Variants in SCN10A observed in about 807,000 individuals in gnomAD.
The protein encoded by SCN10A is sodium channel protein type 10 subunit alpha.
SCN10A carries 162 observed loss-of-function variants against 170.7 expected under a neutral mutation model. The ratio of observed to expected loss-of-function variants is 0.95; its 90% CI spans 0.84 to 1.08. SCN10A has a LOEUF of 1.08. Among genes scored for constraint, SCN10A ranks in the 50% least tolerant of loss-of-function variants. The pLI is 0.00. For missense variants in SCN10A, 2,527 were observed against 2,436.9 expected (o/e 1.04, Z -0.78); for synonymous variants, 985 against 904.6 (o/e 1.09, Z -1.59).
chr3:38,744,011 A>T (rs541104437), intron 13 of SCN10A, among the ~76,000 whole-genome samples: 43 of 152,368 alleles, frequency 2.8e-4, no homozygotes, highest in African/African-American at 9.6e-4. Flanking sequence ...TCTTGAACAG[A>T]TATCAGCCTA....
At chr3:38,808,311 G>C (rs2064418436) in intron 1 of SCN10A, among the ~76,000 whole-genome samples, 1 of 152,022 alleles carries the variant, frequency 6.6e-6, no homozygotes, top group Non-Finnish European at 1.5e-5. Context: ...TCTTCTTTCA[G>C]TTTAGTTAAG....
intron 1 of SCN10A, among the ~76,000 whole-genome samples, chr3:38,807,651 C>T (rs1333559201): frequency 1.3e-5 from 2 of 152,128 alleles, no homozygotes; most frequent in Non-Finnish European, 2.9e-5. Flanking sequence ...CCCCTTGCAT[C>T]AAAGTATAAT....
At chr3:38,798,927 T>G (rs1020468504) in intron 1 of SCN10A, among the ~76,000 whole-genome samples, 1 of 151,222 alleles carries the variant, frequency 6.6e-6, no homozygotes, top group Admixed American at 6.6e-5. Context: ...GTAGTGGAAC[T>G]ACAGGTATGT....
intron 1 of SCN10A, among the ~76,000 whole-genome samples, chr3:38,797,434 G>A (rs558434509): frequency 1.6e-4 from 25 of 152,144 alleles, no homozygotes; most frequent in Admixed American, 6.5e-4. Context: ...CTCTCCTCCT[G>A]CCTATTTGTA....
In SCN10A at chr3:38,698,235, C is replaced by G; in HGVS notation, c.4985G>C (p.Gly1662Ala). Residue 1662 changes from glycine to alanine, a missense_variant, in exon 28 of 28, where the codon GGC becomes GCC. Coordinates refer to ENST00000449082, the MANE Select transcript of SCN10A (RefSeq NM_006514.4). ...LCLFQITTSA[G>A]WDGLLSPILN... ...GATGGGGCTGAGGAGGCCATCCCAG[C>G]CGGCCGACGTGGTAATCTGGAAGAG... 2 of 1,614,100 alleles carry G rather than the reference C, an allele frequency of 1.2e-6. No individual in the cohort carries two copies. The highest frequency in any genetic ancestry group is 1.7e-6 in the Non-Finnish European group (2 of 1,180,006).
chr3:38,805,147 G>A (rs1053391324), intron 1 of SCN10A, among the ~76,000 whole-genome samples: 1 of 152,100 alleles, frequency 6.6e-6, no homozygotes, highest in Non-Finnish European at 1.5e-5. Flanking sequence ...AACTGTTTCA[G>A]GTTCATTATC....
intron 4 of SCN10A, among the ~76,000 whole-genome samples, chr3:38,775,864 T>G (rs917158343): frequency 6.6e-6 from 1 of 152,156 alleles, no homozygotes; most frequent in Non-Finnish European, 1.5e-5. Context: ...ACTGGTTTTG[T>G]ATCTTACCAG....
rs573795407 is a variant in SCN10A at position 38,763,270 on chromosome 3, T to C, written c.691+235A>G. On this transcript the variant is annotated intron_variant, in intron 6 of 27. Transcript: ENST00000449082. ...GTTACGTATTGATTGTGAGGCCATG[T>C]GGTATGTGGGAAGAGCACTGGCCTA... 2.6e-5 allele frequency among the ~76,000 whole-genome samples: 4 copies of C among 152,192 alleles called. No homozygotes were observed. In the East Asian group the frequency reaches 7.7e-4, roughly 29 times the overall value.
At chr3:38,736,136 C>T (rs1484463991) in intron 15 of SCN10A, among the ~76,000 whole-genome samples, 1 of 152,102 alleles carries the variant, frequency 6.6e-6, no homozygotes, top group East Asian at 1.9e-4. Flanking sequence ...TTCAAAGGCC[C>T]AAAGCCAAGA....
Position 38,698,003 on chromosome 3 carries a change from G to C in SCN10A, c.5217C>G (p.Asp1739Glu). 1 of 1,614,134 alleles carries C rather than the reference G, an allele frequency of 6.2e-7. No homozygotes were observed. Among genetic ancestry groups the C allele is most frequent in the Non-Finnish European group, 8.5e-7 (1 of 1,180,024 alleles). ...AGGTCTCATAGAACATGTCAAAGTC[G>C]TCCTCACTCAGGGGCTCAGTGCTCT... ...TEESTEPLSE[D>E]DFDMFYETWE... is the part of the protein sequence containing the mutation. The change falls in exon 28 of 28, where the codon GAC becomes GAG. Residue 1739 changes from aspartate (D) to glutamate (E), a missense_variant. Asp to Glu is a conservative substitution (Grantham distance 45). Coordinates refer to ENST00000449082, the MANE Select transcript of SCN10A (RefSeq NM_006514.4).
At chr3:38,729,784 G>A (rs576442593) in intron 15 of SCN10A, among the ~76,000 whole-genome samples, 2 of 152,224 alleles carry the variant, frequency 1.3e-5, no homozygotes, top group Non-Finnish European at 2.9e-5. Flanking sequence ...CACCTACTAA[G>A]AGCCAGGCTG....
At chr3:38,783,153 G>T (rs1274219526) in intron 4 of SCN10A, among the ~76,000 whole-genome samples, 2 of 151,922 alleles carry the variant, frequency 1.3e-5, no homozygotes, top group African/African-American at 4.8e-5. Context: ...CTCCTTAGAG[G>T]CCCAATCTCC....
intron 27 of SCN10A, among the ~76,000 whole-genome samples, chr3:38,699,919 C>T (rs1237544151): frequency 6.6e-6 from 1 of 152,156 alleles, no homozygotes; most frequent in Admixed American, 6.5e-5. Flanking sequence ...TTTTCCAGCT[C>T]TATAAGGGAT....
intron 23 of SCN10A, among the ~76,000 whole-genome samples, chr3:38,711,502 C>A (rs1359580566): frequency 6.6e-6 from 1 of 152,160 alleles, no homozygotes; most frequent in African/African-American, 2.4e-5. Context: ...GTGTCCAAGC[C>A]CAGTTCTGAC....
At chr3:38,770,309 A>G (rs2063983659) in intron 5 of SCN10A, among the ~76,000 whole-genome samples, 1 of 152,166 alleles carries the variant, frequency 6.6e-6, no homozygotes, top group South Asian at 2.1e-4. Flanking sequence ...AGGGCCATAA[A>G]GCTTCCGAGA....
intron 1 of SCN10A, among the ~76,000 whole-genome samples, chr3:38,797,262 G>A (rs919461647): frequency 6.6e-6 from 1 of 152,098 alleles, no homozygotes; most frequent in Non-Finnish European, 1.5e-5. Context: ...CAGCCCTAGA[G>A]GCAGCTCTGG....
At chr3:38,749,792 T>A (rs949997298) in intron 13 of SCN10A, among the ~76,000 whole-genome samples, 1 of 152,238 alleles carries the variant, frequency 6.6e-6, no homozygotes, top group Non-Finnish European at 1.5e-5. Flanking sequence ...AGATCACTTT[T>A]AAAAATCTAG....
chr3:38,726,616 G>A lies in SCN10A; in HGVS notation c.3077C>T (p.Pro1026Leu), dbSNP rs2063457731. 4.4e-6 allele frequency: 7 copies of A among 1,585,878 alleles called. No homozygotes were observed. Among genetic ancestry groups the A allele is most frequent in the Non-Finnish European group, 6.0e-6 (7 of 1,160,560 alleles). ...GGGGATAACTCTTACCTGTCCTTTG[G>A]GGATCACTTCCTGCTGGAAGCTCTG... ...DAQSFQQEVI[P>L]KGQQEQLQQV... The change falls in exon 17 of 28, where the codon CCC (proline) becomes CTC (leucine). Residue 1026 changes from proline (P) to leucine (L), a missense_variant. Physicochemically the swap from Pro to Leu is moderately conservative, Grantham distance 98. Coordinates refer to ENST00000449082, the MANE Select transcript of SCN10A (RefSeq NM_006514.4).
chr3:38,811,588 A>G (rs529301132), intron 1 of SCN10A, among the ~76,000 whole-genome samples: 161 of 152,318 alleles, frequency 1.1e-3, no homozygotes, highest in African/African-American at 3.4e-3. Context: ...CCAAAGTAAT[A>G]TAATTAAGTA....
Sources: allele counts gnomAD v4.1 joint callset (sites outside exome capture counted in the v4.1 genomes callset), GRCh38; gene constraint gnomAD v4.1.1; transcripts MANE v1.5; gene names NCBI Gene and HGNC (gene_info 2026-07-23, HGNC 2026-07-21).